Variants in ADAMTS16 observed in about 807,000 individuals in gnomAD.
The protein encoded by ADAMTS16 is ADAM metallopeptidase with thrombospondin type 1 motif 16.
In ADAMTS16, 94 loss-of-function variants were observed where a neutral mutation model predicts 145.8. The ratio of observed to expected loss-of-function variants is 0.64; its 90% confidence interval spans 0.55 to 0.77. ADAMTS16 has a LOEUF of 0.77. Among genes scored for constraint, ADAMTS16 ranks in the 30% least tolerant of loss-of-function variants. The pLI is 0.00. For synonymous variants in ADAMTS16, 659 were observed against 604.3 expected, an observed-to-expected ratio of 1.09 and a Z score of -1.33; for missense variants, 1,585 against 1,591.5, an observed-to-expected ratio of 1.00 and a Z score of 0.07.
intron 21 of ADAMTS16, among the ~76,000 whole-genome samples, chr5:5,313,417 G>C (rs1183017778): frequency 6.6e-6 from 1 of 152,228 alleles, no homozygotes; most frequent in Non-Finnish European, 1.5e-5. Flanking sequence ...TCATGGTGCA[G>C]GGCAGCGCAG....
chr5:5,237,794 A>T lies in ADAMTS16; in HGVS notation c.2154+695A>T, dbSNP rs544930030. Among the ~76,000 whole-genome samples the T allele has an allele frequency of 4.6e-5, 7 of 152,248 alleles. No homozygotes were observed. The East Asian group carries it at 1.4e-3, about 29-fold the overall frequency. ...GAGGGCGGGCAGACAGGGATGCAGG[A>T]GACAAGCTGGGGAAGTGTTGGTGGC... On this transcript the variant is annotated intron_variant, in intron 14 of 22. Coordinates refer to ENST00000274181, the MANE Select transcript of ADAMTS16 (RefSeq NM_139056.4).
chr5:5,188,174 G>C (rs1735562264), intron 6 of ADAMTS16, among the ~76,000 whole-genome samples: 1 of 152,154 alleles, frequency 6.6e-6, no homozygotes, highest in Admixed American at 6.5e-5. Flanking sequence ...TCTGCTTCTT[G>C]CTAGGAGAGT....
At position 5,172,930 on chromosome 5, in the gene ADAMTS16, T is replaced by G. The variant is rs74288237; in HGVS notation, c.502-9114T>G. ...ATATTGAGTGCATATATATTTACAA[T>G]TGTTGTATCCTCTTGTTGAACTGAC... On this transcript the variant is annotated intron_variant, in intron 3 of 22. Transcript: ENST00000274181. Among the ~76,000 whole-genome samples, 210 of 152,318 alleles carry G rather than the reference T, an allele frequency of 1.4e-3. 7 individuals are homozygous for G. In the East Asian group the frequency reaches 0.028, roughly 20 times the overall value.
chr5:5,165,207 G>C (rs976677724), intron 3 of ADAMTS16, among the ~76,000 whole-genome samples: 4 of 152,044 alleles, frequency 2.6e-5, no homozygotes, highest in African/African-American at 9.7e-5. Context: ...CACAACACTG[G>C]GTCCTCTGCT....
At chr5:5,303,110 C>T (rs949587836) in intron 18 of ADAMTS16, among the ~76,000 whole-genome samples, 158 bp from the exon 19 acceptor site, 6 of 152,246 alleles carry the variant, frequency 3.9e-5, no homozygotes, top group East Asian at 3.9e-4. Flanking sequence ...AGGGAGACTC[C>T]GGTAGGAATG....
At chr5:5,173,787 G>A (rs1180809696) in intron 3 of ADAMTS16, among the ~76,000 whole-genome samples, 1 of 152,098 alleles carries the variant, frequency 6.6e-6, no homozygotes, top group Admixed American at 6.6e-5. Flanking sequence ...CTGCTCATCA[G>A]GATTGCATAA....
At chr5:5,274,392 G>A (rs1199680235) in intron 18 of ADAMTS16, among the ~76,000 whole-genome samples, 1 of 152,092 alleles carries the variant, frequency 6.6e-6, no homozygotes, top group East Asian at 1.9e-4. Flanking sequence ...CCTGGCAACC[G>A]CTGCCCTATT....
chr5:5,301,244 G>A (rs1156298484), intron 18 of ADAMTS16, among the ~76,000 whole-genome samples: 3 of 151,982 alleles, frequency 2.0e-5, no homozygotes, highest in Non-Finnish European at 4.4e-5. Flanking sequence ...TTTTTTGTGT[G>A]TGGAGATGGG....
chr5:5,210,379 T>C (rs903144536), intron 10 of ADAMTS16, among the ~76,000 whole-genome samples: 1 of 152,228 alleles, frequency 6.6e-6, no homozygotes, highest in African/African-American at 2.4e-5. Flanking sequence ...AAAAGTTAGA[T>C]GCAAGGTGCA....
At chr5:5,311,496 G>A (rs1740438039) in intron 21 of ADAMTS16, among the ~76,000 whole-genome samples, 1 of 151,386 alleles carries the variant, frequency 6.6e-6, no homozygotes, top group Non-Finnish European at 1.5e-5. Context: ...CCGCTCGCTG[G>A]AGCTCCGGGT....
chr5:5,218,088 T>C (rs962134071), intron 10 of ADAMTS16, among the ~76,000 whole-genome samples: 3 of 152,246 alleles, frequency 2.0e-5, no homozygotes, highest in Non-Finnish European at 2.9e-5. Context: ...TCATTAAGGA[T>C]ATAATGACCT....
In ADAMTS16 at chr5:5,146,112, T is replaced by G. The variant is rs779795053; in HGVS notation, c.176-18T>G. On this transcript the variant is annotated intron_variant, in intron 2 of 22. Transcript: ENST00000274181. ...AATTCCGAAATGACTCAGCCTCTGC[T>G]CACTCTTTTGATTTCAGAATATGAC... is the stretch of plus-strand genomic sequence containing the variant. The G allele has an allele frequency of 6.2e-7, 1 of 1,604,362 alleles. No individual in the cohort carries two copies. The highest frequency in any genetic ancestry group is 2.2e-5 in the East Asian group (1 of 44,706).
chr5:5,304,341 A>G (rs1210137371), intron 20 of ADAMTS16, among the ~76,000 whole-genome samples: 2 of 152,116 alleles, frequency 1.3e-5, no homozygotes, highest in Non-Finnish European at 2.9e-5. Context: ...TCATCATGGG[A>G]ATAACGTTGG....
chr5:5,304,708 A>G lies in ADAMTS16; in HGVS notation c.3186+942A>G, dbSNP rs533025678. Among the ~76,000 whole-genome samples the G allele has an allele frequency of 3.3e-5, 5 of 152,178 alleles. No individual in the cohort carries two copies. In the East Asian group the frequency reaches 9.7e-4, roughly 29 times the overall value. On this transcript the variant is annotated intron_variant, in intron 20 of 22. Transcript: ENST00000274181. Reference sequence around the variant, plus strand: ...ACTCTGTTTCAGTTTGTTACTAAAAAATAAGAACACCCTTGCTCGCTTAAG... The same window carrying G: ...ACTCTGTTTCAGTTTGTTACTAAAAGATAAGAACACCCTTGCTCGCTTAAG...
In ADAMTS16 at chr5:5,319,175, G is replaced by C. The variant is rs376565925; in HGVS notation, c.*37G>C. 3.4e-6 allele frequency: 5 copies of C among 1,478,594 alleles called. No homozygotes were observed. The African/African-American group carries it at 6.9e-5, about 20-fold the overall frequency. 91.6% of individuals were successfully genotyped at this position (1,478,594 alleles called of 1,614,324 possible). ...TCTCCGTAGCAGAGAAAGTGCCTGC[G>C]TGGCACAGAAATTTCCCACAAATGA... On this transcript the variant is annotated 3_prime_UTR_variant, in exon 23 of 23. Coordinates refer to ENST00000274181, the MANE Select transcript of ADAMTS16 (RefSeq NM_139056.4).
chr5:5,154,408 C>T (rs1005763488), intron 3 of ADAMTS16, among the ~76,000 whole-genome samples: 2 of 152,012 alleles, frequency 1.3e-5, no homozygotes, highest in African/African-American at 4.8e-5. Flanking sequence ...TATAATAGTG[C>T]AATTTGGAAA....
intron 17 of ADAMTS16, among the ~76,000 whole-genome samples, chr5:5,253,541 C>T (rs1046528547): frequency 6.6e-6 from 1 of 152,204 alleles, no homozygotes; most frequent in Admixed American, 6.5e-5. Flanking sequence ...TTGCCCTAAG[C>T]AGTTCCCAGC....
intron 18 of ADAMTS16, among the ~76,000 whole-genome samples, chr5:5,272,661 G>A (rs546293781): frequency 5.8e-4 from 89 of 152,202 alleles, no homozygotes; most frequent in Middle Eastern, 6.8e-3. Context: ...CACTGCCCCC[G>A]GCCCCAAAGG....
chr5:5,258,025 G>A (rs956995808), intron 17 of ADAMTS16, among the ~76,000 whole-genome samples: 17 of 152,172 alleles, frequency 1.1e-4, no homozygotes, highest in Admixed American at 6.5e-5. Context: ...TTGAGATCTC[G>A]AAGGGTCCCG....
Sources: gnomAD v4.1 joint callset for allele counts (sites outside exome capture counted in the v4.1 genomes callset) on GRCh38, gnomAD v4.1.1 for gene constraint, MANE v1.5 for transcripts, NCBI Gene and HGNC (gene_info 2026-07-23, HGNC 2026-07-21) for gene names.